CRACD: variants seen among roughly 807,000 people sequenced by gnomAD.
CRACD encodes the protein capping protein-inhibiting regulator of actin dynamics.
A neutral mutation model predicts 106.8 loss-of-function variants in CRACD; 56 were observed. That is an observed-to-expected ratio of 0.52 (90% CI 0.42 to 0.66). CRACD has a LOEUF of 0.66. CRACD is among the 30% of genes least tolerant of loss of function. The pLI, the probability that CRACD is intolerant of heterozygous loss-of-function variation, is 0.00. For synonymous variants in CRACD, 754 were observed against 670.8 expected (o/e 1.12, Z -1.92); for missense variants, 1,730 against 1,623.2 (o/e 1.07, Z -1.13).
At chr4:56,198,634 T>G (rs1398986792) in intron 2 of CRACD, among the ~76,000 whole-genome samples, 2 of 152,170 alleles carry the variant, frequency 1.3e-5, no homozygotes, top group Non-Finnish European at 1.5e-5. Context: ...TGCTCTGAGT[T>G]ATTTCACAAG....
chr4:56,116,580 G>A (rs1476410166), intron 1 of CRACD, among the ~76,000 whole-genome samples: 1 of 152,186 alleles, frequency 6.6e-6, no homozygotes, highest in African/African-American at 2.4e-5. Context: ...CCCTCATCAA[G>A]TTTGTCAAAT....
At chr4:56,198,767 C>G (rs972329704) in intron 2 of CRACD, among the ~76,000 whole-genome samples, 1 of 151,962 alleles carries the variant, frequency 6.6e-6, no homozygotes, top group African/African-American at 2.4e-5. Context: ...AATTTGTGCT[C>G]TTAAAGTTGA....
At chr4:56,058,624 C>T (rs994437406) in intron 1 of CRACD, among the ~76,000 whole-genome samples, 1 of 152,180 alleles carries the variant, frequency 6.6e-6, no homozygotes, top group African/African-American at 2.4e-5. Context: ...GCATAATGGT[C>T]TTTAACTAGC....
At chr4:56,059,352 T>G (rs1236926030) in intron 1 of CRACD, among the ~76,000 whole-genome samples, 2 of 152,194 alleles carry the variant, frequency 1.3e-5, no homozygotes, top group Admixed American at 1.3e-4. Context: ...GGTGTGCACC[T>G]GTGGTCCCAG....
chr4:56,225,550 A>G (rs1052376168), intron 2 of CRACD, among the ~76,000 whole-genome samples: 15 of 151,058 alleles, frequency 9.9e-5, no homozygotes, highest in South Asian at 8.4e-4. Flanking sequence ...CTCATCTTCT[A>G]TTTCTCTTCC....
At chr4:56,298,739 C>T (rs1478258956) in intron 4 of CRACD, among the ~76,000 whole-genome samples, 1 of 152,100 alleles carries the variant, frequency 6.6e-6, no homozygotes, top group East Asian at 1.9e-4. Flanking sequence ...TCAAAAGCAG[C>T]CTGGGCAACA....
At chr4:56,122,321 A>C (rs1276924117) in intron 1 of CRACD, among the ~76,000 whole-genome samples, 1 of 152,038 alleles carries the variant, frequency 6.6e-6, no homozygotes, top group Non-Finnish European at 1.5e-5. Flanking sequence ...AAAAAAAAAA[A>C]AAAGAATTTT....
chr4:56,178,641 GA>G (rs1348100339), intron 1 of CRACD, among the ~76,000 whole-genome samples: 1 of 152,194 alleles, frequency 6.6e-6, no homozygotes, highest in Admixed American at 6.5e-5. Context: ...TGTCCATCCT[GA>G]GATTTGGAGT....
chr4:56,306,629 C>T (rs1204392108), intron 4 of CRACD, among the ~76,000 whole-genome samples: 2 of 152,242 alleles, frequency 1.3e-5, no homozygotes, highest in African/African-American at 4.8e-5. Flanking sequence ...CAGTGGTTCT[C>T]AGCTGGGGGC....
Position 56,073,123 on chromosome 4 carries a change from C to A in CRACD, c.-336+23824C>A, listed in dbSNP as rs150748051. The stretch of plus-strand genomic sequence containing the variant: ...TATAATTCTTTGGGTATATACCCAA[C>A]AATGGGATGGCTGGGTCAAATGGTA... On this transcript the variant is annotated intron_variant, in intron 1 of 10. Coordinates refer to ENST00000682029, the MANE Select transcript of CRACD (RefSeq NM_001393381.1). 6.2e-3 allele frequency among the ~76,000 whole-genome samples: 950 copies of A among 152,230 alleles called. 4 individuals are homozygous for A. Among genetic ancestry groups the A allele is most frequent in the Non-Finnish European group, 9.5e-3 (648 of 68,004 alleles).
At chr4:56,131,939 T>C (rs1215164936) in intron 1 of CRACD, among the ~76,000 whole-genome samples, 1 of 152,234 alleles carries the variant, frequency 6.6e-6, no homozygotes, top group Admixed American at 6.5e-5. Flanking sequence ...GATGTAACTA[T>C]ATTTTTGGAT....
chr4:56,266,440 TC>T (rs1286683947), intron 2 of CRACD, among the ~76,000 whole-genome samples: 1 of 152,172 alleles, frequency 6.6e-6, no homozygotes, highest in Non-Finnish European at 1.5e-5. Context: ...ATTTCTTCCC[TC>T]CTGTCCCCTT....
chr4:56,227,649 C>T (rs1015055160), intron 2 of CRACD, among the ~76,000 whole-genome samples: 5 of 152,196 alleles, frequency 3.3e-5, no homozygotes, highest in African/African-American at 4.8e-5. Flanking sequence ...ACTCCATCTT[C>T]GCAGTGCACA....
rs1167129583 is a variant in CRACD at position 56,327,708 on chromosome 4, C to T, written c.3606C>T (p.Thr1202=). ...LVKEVTKRFS[T]PDAAPVSTEP... ...AAGAAGTCACCAAGAGGTTTTCCAC[C>T]CCGGATGCTGCCCCCGTGTCAACAG... Residue 1202 remains threonine (T), a synonymous_variant, in exon 11 of 11, where the codon ACC becomes ACT. Coordinates refer to ENST00000682029, the MANE Select transcript of CRACD (RefSeq NM_001393381.1). 6.2e-7 allele frequency: 1 copy of T among 1,613,982 alleles called. No individual in the cohort carries two copies. Among genetic ancestry groups the T allele is most frequent in the African/African-American group, 1.3e-5 (1 of 74,908 alleles).
intron 1 of CRACD, among the ~76,000 whole-genome samples, chr4:56,089,895 A>G (rs1733362876): frequency 1.3e-5 from 2 of 152,170 alleles, no homozygotes; most frequent in Admixed American, 6.5e-5. Flanking sequence ...GGTTTTATCA[A>G]CCATTAAGAG....
At chr4:56,176,628 G>T (rs1351965870) in intron 1 of CRACD, among the ~76,000 whole-genome samples, 4 of 151,840 alleles carry the variant, frequency 2.6e-5, no homozygotes, top group Non-Finnish European at 5.9e-5. Flanking sequence ...GTAGAGATGG[G>T]GTTTCACTGT....
chr4:56,057,306 G>A (rs1428302008), intron 1 of CRACD, among the ~76,000 whole-genome samples: 1 of 152,202 alleles, frequency 6.6e-6, no homozygotes, highest in East Asian at 1.9e-4. Flanking sequence ...AACCACAAGA[G>A]GACCATTTAG....
intron 1 of CRACD, among the ~76,000 whole-genome samples, chr4:56,165,938 G>C (rs1040010787): frequency 9.9e-5 from 15 of 152,194 alleles, no homozygotes; most frequent in African/African-American, 3.6e-4. Context: ...ATAGCTTACT[G>C]TAGCCTGGAA....
chr4:56,120,428 A>T (rs912647707), intron 1 of CRACD, among the ~76,000 whole-genome samples: 29 of 152,216 alleles, frequency 1.9e-4, no homozygotes, highest in Non-Finnish European at 3.5e-4. Flanking sequence ...AAAATAAAAA[A>T]AATTAACTAC....
Sources: gnomAD v4.1 joint callset for allele counts (sites outside exome capture counted in the v4.1 genomes callset) on GRCh38, gnomAD v4.1.1 for gene constraint, MANE v1.5 for transcripts, NCBI Gene and HGNC (gene_info 2026-07-23, HGNC 2026-07-21) for gene names.